Variants in ATP6V1C2 observed in about 807,000 individuals in gnomAD.
ATP6V1C2 encodes V-type proton ATPase subunit C 2.
Under a neutral mutation model 56.8 loss-of-function variants are expected in ATP6V1C2, and 45 were observed. That is an observed-to-expected ratio of 0.79 (90% CI 0.62 to 1.02). The LOEUF (loss-of-function observed/expected upper bound fraction) is 1.02, where lower values mean the gene tolerates loss of function less well. Ranked by LOEUF, ATP6V1C2 falls within the 50% of genes least tolerant of loss-of-function variation. ATP6V1C2 has a pLI of 0.00. For synonymous variants in ATP6V1C2, 220 were observed against 201.3 expected, an observed-to-expected ratio of 1.09 and a Z score of -0.79; for missense variants, 463 against 519.7, an observed-to-expected ratio of 0.89 and a Z score of 1.06.
At chr2:10,770,513 A>G (rs1047282360) in intron 6 of ATP6V1C2, among the ~76,000 whole-genome samples, 1 of 152,242 alleles carries the variant, frequency 6.6e-6, no homozygotes, top group Non-Finnish European at 1.5e-5. Context: ...GCCGGGGCAG[A>G]GAGCCCTAAG....
At chr2:10,734,879 G>T (rs1487926678) in intron 3 of ATP6V1C2, among the ~76,000 whole-genome samples, 1 of 152,030 alleles carries the variant, frequency 6.6e-6, no homozygotes. Flanking sequence ...CATTTAAAAT[G>T]GCTTACTGAG....
chr2:10,730,609 T>TG (rs1491146481), intron 3 of ATP6V1C2, among the ~76,000 whole-genome samples: 6 of 22,248 alleles, frequency 2.7e-4, no homozygotes, highest in Admixed American at 2.1e-3. Context: ...CACAGTGGGT[T>TG]TTTTTTTTTT....
chr2:10,757,902 C>T (rs575645575), intron 4 of ATP6V1C2, among the ~76,000 whole-genome samples: 5 of 152,252 alleles, frequency 3.3e-5, no homozygotes, highest in East Asian at 1.9e-4. Flanking sequence ...AGGGCAGTCC[C>T]GGTGCCCAAA....
At chr2:10,739,011 T>C (rs1340799949) in intron 3 of ATP6V1C2, among the ~76,000 whole-genome samples, 1 of 152,196 alleles carries the variant, frequency 6.6e-6, no homozygotes, top group Non-Finnish European at 1.5e-5. Context: ...TTTCATTCAT[T>C]TGCCCCACAG....
chr2:10,732,083 A>G (rs1411519341), intron 3 of ATP6V1C2, among the ~76,000 whole-genome samples: 1 of 152,142 alleles, frequency 6.6e-6, no homozygotes, highest in Non-Finnish European at 1.5e-5. Context: ...TCCTAGTGCA[A>G]GTCTTTTAAC....
At chr2:10,760,777 G>C (rs1475677681) in intron 4 of ATP6V1C2, among the ~76,000 whole-genome samples, 1 of 152,240 alleles carries the variant, frequency 6.6e-6, no homozygotes, top group Non-Finnish European at 1.5e-5. Context: ...TACAGGGCAG[G>C]GGTGCTTCAG....
At chr2:10,751,536 C>T (rs1004876813) in intron 3 of ATP6V1C2, among the ~76,000 whole-genome samples, 1 of 152,138 alleles carries the variant, frequency 6.6e-6, no homozygotes, top group Non-Finnish European at 1.5e-5. Context: ...GAAATGCCAT[C>T]GCACGGATGG....
At chr2:10,726,116 T>C (rs1661626078) in intron 2 of ATP6V1C2, among the ~76,000 whole-genome samples, 1 of 152,072 alleles carries the variant, frequency 6.6e-6, no homozygotes, top group African/African-American at 2.4e-5. Flanking sequence ...GATGGGACTG[T>C]CTTGGAGCAG....
At chr2:10,771,179 G>A (rs934601499) in intron 6 of ATP6V1C2, among the ~76,000 whole-genome samples, 5 of 152,208 alleles carry the variant, frequency 3.3e-5, no homozygotes, top group African/African-American at 7.2e-5. Context: ...ATGGCTCAAC[G>A]CTGGAGAGCG....
chr2:10,754,217 G>C (rs1394389828), intron 4 of ATP6V1C2, 151 bp downstream of exon 4: 1 of 565,382 alleles, frequency 1.8e-6, no homozygotes, highest in Non-Finnish European at 3.1e-6. Context: ...CTCTGCACTT[G>C]CTTTTATTTA....
intron 4 of ATP6V1C2, among the ~76,000 whole-genome samples, chr2:10,759,547 G>A (rs181970681): frequency 4.9e-4 from 74 of 152,264 alleles, no homozygotes; most frequent in African/African-American, 1.7e-3. Flanking sequence ...CTGGGTCATG[G>A]CCTGACCTCA....
intron 3 of ATP6V1C2, among the ~76,000 whole-genome samples, chr2:10,727,822 G>T (rs974476943): frequency 2.8e-4 from 43 of 151,768 alleles, no homozygotes; most frequent in Non-Finnish European, 2.9e-5. Context: ...TCGCTTGAGC[G>T]GGGGAGGGGG....
intron 3 of ATP6V1C2, among the ~76,000 whole-genome samples, chr2:10,728,301 C>G (rs1361029157): frequency 6.6e-6 from 1 of 152,082 alleles, no homozygotes; most frequent in Non-Finnish European, 1.5e-5. Flanking sequence ...CCAGGCTGGC[C>G]TTGAACTCCT....
chr2:10,781,938 G>A lies in ATP6V1C2; in HGVS notation c.1062-305G>A, dbSNP rs140557426. Among the ~76,000 whole-genome samples the A allele has an allele frequency of 3.7e-3, 568 of 152,324 alleles. 5 individuals are homozygous for A. The highest frequency in any genetic ancestry group is 0.013 in the African/African-American group (546 of 41,560). ...GTTTTAGACAAACGCCTTGGAGTCC[G>A]AATGTTCAGTCCAACTACCTGCATT... is the stretch of plus-strand genomic sequence containing the variant. On this transcript the variant is annotated intron_variant, in intron 12 of 13. Coordinates refer to ENST00000272238, the MANE Select transcript of ATP6V1C2 (RefSeq NM_001039362.2).
chr2:10,761,792 C>A (rs1317124077), intron 4 of ATP6V1C2, among the ~76,000 whole-genome samples: 1 of 152,246 alleles, frequency 6.6e-6, no homozygotes, highest in East Asian at 1.9e-4. Flanking sequence ...CAGGGCCCCA[C>A]CCTTAGTGCC....
At chr2:10,750,016 T>C (rs1663123213) in intron 3 of ATP6V1C2, among the ~76,000 whole-genome samples, 1 of 152,220 alleles carries the variant, frequency 6.6e-6, no homozygotes. Context: ...TCTAGACTCT[T>C]AGTTCCCTTT....
chr2:10,776,280 TGC>T lies in ATP6V1C2; in HGVS notation c.825+1216_825+1217del, dbSNP rs1491035475. Among the ~76,000 whole-genome samples the T allele has an allele frequency of 9.8e-3, 1,380 of 141,204 alleles. 11 individuals are homozygous for T. Among genetic ancestry groups the T allele is most frequent in the African/African-American group, 0.03 (1,123 of 37,226 alleles). 92.6% of individuals were successfully genotyped at this position (141,204 alleles called of 152,430 possible). On this transcript the variant is annotated intron_variant, in intron 10 of 13. Coordinates refer to ENST00000272238, the MANE Select transcript of ATP6V1C2 (RefSeq NM_001039362.2). ...GCGCTCACACACGTGTGTGTGTGTG[TGC>T]GCGCGCACGTGCATGTATGAGTGTG...
chr2:10,725,970 C>G (rs993624414), intron 2 of ATP6V1C2, among the ~76,000 whole-genome samples: 18 of 151,798 alleles, frequency 1.2e-4, no homozygotes, highest in African/African-American at 4.4e-4. Flanking sequence ...TCCCAGCTAC[C>G]TAGGAAGGCT....
intron 3 of ATP6V1C2, among the ~76,000 whole-genome samples, chr2:10,744,001 TAATAATA>T (rs1259171379): frequency 4.9e-4 from 67 of 136,774 alleles, no homozygotes; most frequent in Non-Finnish European, 7.7e-4. Flanking sequence ...AAAAAAATAA[TAATAATA>T]AATAAATAAA....
Sources: gnomAD v4.1 joint callset for allele counts (sites outside exome capture counted in the v4.1 genomes callset) on GRCh38, gnomAD v4.1.1 for gene constraint, MANE v1.5 for transcripts, NCBI Gene and HGNC (gene_info 2026-07-23, HGNC 2026-07-21) for gene names.